Variants in RHEB observed in about 807,000 individuals in gnomAD.
RHEB encodes the protein Ras homolog, mTORC1 binding.
RHEB carries 2 observed loss-of-function variants against 28.8 expected under a neutral mutation model. The ratio of observed to expected loss-of-function variants is 0.07; its 90% CI spans 0.03 to 0.22. The LOEUF is 0.22. RHEB is among the 10% of genes least tolerant of loss of function. The pLI, the probability that RHEB is intolerant of heterozygous loss-of-function variation, is 1.00. For missense variants in RHEB, 76 were observed against 219.9 expected (o/e 0.35, Z 4.14); for synonymous variants, 69 against 77.3 (o/e 0.89, Z 0.56).
chr7:151,468,995 C>T lies in RHEB; in HGVS notation c.462+1576G>A, dbSNP rs1181432566. Among the ~76,000 whole-genome samples the T allele has an allele frequency of 6.6e-6, 1 of 152,194 alleles. No individual in the cohort carries two copies. The highest frequency in any genetic ancestry group is 2.4e-5 in the African/African-American group (1 of 41,446). On this transcript the variant is annotated intron_variant, in intron 7 of 7. Transcript: ENST00000262187. This position sits in a 1 kb window ranked among gnomAD's most constrained non-coding sequence, Gnocchi z 4.3. ...AAATGAGGCGGTTTAACTACATGAT[C>T]TGAAGGATACAGTCCATAGGCACTC...
intron 1 of RHEB, 117 bp downstream of exon 1, chr7:151,519,343 C>T (rs1803139683): frequency 3.0e-6 from 2 of 672,012 alleles, no homozygotes; most frequent in South Asian, 7.0e-5. Context: ...ACGCGCGGCC[C>T]CCGCCCGCCC....
intron 1 of RHEB, among the ~76,000 whole-genome samples, chr7:151,515,613 A>G (rs764385876): frequency 6.6e-6 from 1 of 152,230 alleles, no homozygotes; most frequent in Non-Finnish European, 1.5e-5. Flanking sequence ...ACAATTTCAC[A>G]TACTGGTAGA....
chr7:151,511,127 C>A (rs1435920461), intron 1 of RHEB, among the ~76,000 whole-genome samples: 2 of 151,878 alleles, frequency 1.3e-5, no homozygotes, highest in Non-Finnish European at 2.9e-5. Flanking sequence ...TAGGCAGACA[C>A]ATTTATATCT....
intron 7 of RHEB, among the ~76,000 whole-genome samples, chr7:151,469,278 C>T (rs561740667): frequency 5.3e-5 from 8 of 152,154 alleles, no homozygotes; most frequent in African/African-American, 4.8e-5. Flanking sequence ...CTTGGGCTGA[C>T]GGATAACCCA....
intron 2 of RHEB, among the ~76,000 whole-genome samples, chr7:151,487,533 A>T (rs1172509423): frequency 1.3e-5 from 2 of 152,194 alleles, no homozygotes; most frequent in Non-Finnish European, 2.9e-5. Flanking sequence ...AAGAAAAAAA[A>T]AAAAATAAAC....
At chr7:151,480,424 A>C (rs1802362351) in intron 3 of RHEB, among the ~76,000 whole-genome samples, 1 of 151,218 alleles carries the variant, frequency 6.6e-6, no homozygotes, top group South Asian at 2.1e-4. Context: ...CAAGCTTAAA[A>C]CTATATTTGC....
chr7:151,509,829 C>T (rs1016065149), intron 1 of RHEB, among the ~76,000 whole-genome samples: 1 of 152,210 alleles, frequency 6.6e-6, no homozygotes, highest in Non-Finnish European at 1.5e-5. Flanking sequence ...TAAAGTTTTA[C>T]TAGCACACAG....
At position 151,490,880 on chromosome 7, in the gene RHEB, A is replaced by C; in HGVS notation, c.124+63T>G. On this transcript the variant is annotated intron_variant, in intron 2 of 7. Coordinates refer to ENST00000262187, the MANE Select transcript of RHEB (RefSeq NM_005614.4). ...CTGCACTCAAAGCCTCCATGAATAC[A>C]CAATGGCTATTTTACACAAAAGAAG... 5 of 1,223,798 alleles carry C rather than the reference A, an allele frequency of 4.1e-6. No homozygotes were observed. In the South Asian group the frequency reaches 4.8e-5, roughly 12 times the overall value. 75.8% of individuals were successfully genotyped at this position (1,223,798 alleles called of 1,614,324 possible).
chr7:151,510,984 C>T lies in RHEB; in HGVS notation c.52+8476G>A, dbSNP rs556271275. 2.0e-4 allele frequency among the ~76,000 whole-genome samples: 31 copies of T among 151,878 alleles called. 1 individual carries two copies. Among genetic ancestry groups the T allele is most frequent in the South Asian group, 1.0e-3 (5 of 4,820 alleles). On this transcript the variant is annotated intron_variant, in intron 1 of 7. Transcript: ENST00000262187. ...GTCCCAGCTGCTCGGGAGGCTGAGG[C>T]GGGAGGATCCTTGAGGCTGGAAGGT...
chr7:151,485,979 T>G (rs1202214797), intron 2 of RHEB, among the ~76,000 whole-genome samples: 1 of 152,220 alleles, frequency 6.6e-6, no homozygotes, highest in Non-Finnish European at 1.5e-5. Flanking sequence ...AGATGGAAAC[T>G]GAATCGGAAT....
chr7:151,476,778 AACAGAC>A (rs1454209067), intron 4 of RHEB, among the ~76,000 whole-genome samples: 1 of 152,214 alleles, frequency 6.6e-6, no homozygotes. Flanking sequence ...CTGTTCTGTT[AACAGAC>A]ACAGACCACT....
intron 1 of RHEB, 105 bp from the exon 2 acceptor site, chr7:151,491,119 T>C (rs1181494193): frequency 2.9e-6 from 2 of 699,330 alleles, no homozygotes; most frequent in African/African-American, 3.7e-5. Flanking sequence ...ACACTGAAGG[T>C]ATCAGGGTCA....
chr7:151,491,468 G>A (rs1802579697), intron 1 of RHEB, among the ~76,000 whole-genome samples: 1 of 152,224 alleles, frequency 6.6e-6, no homozygotes, highest in South Asian at 2.1e-4. Context: ...AGGCACCATG[G>A]CTCACGCCTG....
At chr7:151,499,241 C>G (rs1005260884) in intron 1 of RHEB, among the ~76,000 whole-genome samples, 1 of 151,934 alleles carries the variant, frequency 6.6e-6, no homozygotes, top group African/African-American at 2.4e-5. Flanking sequence ...GCCTGTAATC[C>G]CAATTACTGG....
intron 1 of RHEB, among the ~76,000 whole-genome samples, chr7:151,501,331 C>A (rs895282002): frequency 2.2e-4 from 33 of 152,098 alleles, no homozygotes; most frequent in African/African-American, 8.0e-4. Context: ...ATTCAAATGG[C>A]AAAGCACATT....
intron 2 of RHEB, among the ~76,000 whole-genome samples, chr7:151,488,343 G>GA (rs1233414531): frequency 3.3e-5 from 5 of 152,108 alleles, no homozygotes; most frequent in Admixed American, 6.5e-5. Context: ...ACACTTCACT[G>GA]AAATGTGTCA....
At chr7:151,499,352 C>A (rs570008831) in intron 1 of RHEB, among the ~76,000 whole-genome samples, 1 of 152,116 alleles carries the variant, frequency 6.6e-6, no homozygotes, top group African/African-American at 2.4e-5. Context: ...GAGTGAAACT[C>A]TATAAAAAAC....
chr7:151,515,373 G>A (rs550777384), intron 1 of RHEB, among the ~76,000 whole-genome samples: 86 of 152,352 alleles, frequency 5.6e-4, no homozygotes, highest in Non-Finnish European at 1.1e-3. Context: ...AATGAGTACA[G>A]AGTTTCTTTT....
At chr7:151,469,828 T>C (rs1249473681) in intron 7 of RHEB, among the ~76,000 whole-genome samples, 1 of 152,100 alleles carries the variant, frequency 6.6e-6, no homozygotes. Flanking sequence ...ATTGACTGCA[T>C]TCAGGACCAG....
Sources: gnomAD v4.1 joint callset for allele counts (sites outside exome capture counted in the v4.1 genomes callset) on GRCh38, gnomAD v4.1.1 for gene constraint, Gnocchi (gnomAD v3.1) non-coding constraint, MANE v1.5 for transcripts, NCBI Gene and HGNC (gene_info 2026-07-23, HGNC 2026-07-21) for gene names.